ANKRD6: variants seen among roughly 807,000 people sequenced by gnomAD.
ANKRD6 encodes the protein ankyrin repeat domain 6, also known as ankyrin repeat domain-containing protein 6.
Under a neutral mutation model 82.3 loss-of-function variants are expected in ANKRD6, and 56 were observed. The observed-to-expected ratio is 0.68, with a 90% CI of 0.55 to 0.85. The LOEUF (loss-of-function observed/expected upper bound fraction) is 0.85. Ranked by LOEUF, ANKRD6 falls within the 40% of genes least tolerant of loss-of-function variation. ANKRD6 has a pLI of 0.00. For missense variants in ANKRD6, 852 were observed against 907.6 expected (o/e 0.94, Z 0.79); for synonymous variants, 347 against 352.1 (o/e 0.99, Z 0.16).
chr6:89,624,666 A>T lies in ANKRD6; in HGVS notation c.1346A>T (p.Gln449Leu), dbSNP rs1442415178. The T allele has an allele frequency of 2.5e-6, 4 of 1,602,426 alleles. No homozygotes were observed. In the East Asian group the frequency reaches 9.0e-5, roughly 36 times the overall value. The change falls in exon 13 of 16, where the codon CAG becomes CTG. Residue 449 changes from glutamine (Q) to leucine (L), a missense_variant. Coordinates refer to ENST00000339746, the MANE Select transcript of ANKRD6 (RefSeq NM_001242809.2). ...VQDKMNTKLG[Q>L]MENKTQHQMR... is the part of the protein sequence containing the mutation. ...GACAAAATGAATACAAAGCTGGGGCAGATGGAGAATAAGACCCAGCACCAA... is the reference window on the plus strand; with the variant it reads ...GACAAAATGAATACAAAGCTGGGGCTGATGGAGAATAAGACCCAGCACCAA...
At chr6:89,582,281 C>A (rs1792728864) in intron 2 of ANKRD6, among the ~76,000 whole-genome samples, 1 of 152,160 alleles carries the variant, frequency 6.6e-6, no homozygotes, top group South Asian at 2.1e-4. Flanking sequence ...TCTTGAACTC[C>A]TGGCCTCAAG....
intron 1 of ANKRD6, among the ~76,000 whole-genome samples, chr6:89,537,712 A>G (rs996305488): frequency 6.6e-6 from 1 of 151,864 alleles, no homozygotes; most frequent in African/African-American, 2.4e-5. Flanking sequence ...AGCCTGGGTA[A>G]CAAAGCAAGA....
chr6:89,528,900 G>C (rs1178813808), intron 1 of ANKRD6, among the ~76,000 whole-genome samples: 2 of 152,254 alleles, frequency 1.3e-5, no homozygotes, highest in Non-Finnish European at 2.9e-5. Flanking sequence ...TATCTGAGCA[G>C]TAGGTCTCAA....
intron 1 of ANKRD6, among the ~76,000 whole-genome samples, chr6:89,498,535 T>A (rs1040779158): frequency 4.6e-5 from 7 of 151,972 alleles, no homozygotes; most frequent in African/African-American, 1.7e-4. Context: ...TATTTTTTTT[T>A]ACCTTGTTTA....
chr6:89,435,158 A>G (rs1770470343), intron 1 of ANKRD6, among the ~76,000 whole-genome samples: 1 of 152,208 alleles, frequency 6.6e-6, no homozygotes, highest in Non-Finnish European at 1.5e-5. Context: ...CCAACTCCCA[A>G]GGCCTCCTTC....
At chr6:89,627,411 A>G (rs562503903) in intron 13 of ANKRD6, among the ~76,000 whole-genome samples, 172 bp from the exon 14 acceptor site, 1 of 152,352 alleles carries the variant, frequency 6.6e-6, no homozygotes, top group Admixed American at 6.5e-5. Flanking sequence ...AACATGCTCA[A>G]GAATTCTGAA....
At chr6:89,618,060 T>C in intron 9 of ANKRD6, 29 bp downstream of exon 9, 1 of 1,611,576 alleles carries the variant, frequency 6.2e-7, no homozygotes, top group Non-Finnish European at 8.5e-7. Context: ...TCCATGGTAC[T>C]GATTATGCGG....
rs540082416 is a variant in ANKRD6, at chr6:89,572,386, G to A, written c.120+5290G>A. On this transcript the variant is annotated intron_variant, in intron 2 of 15. Coordinates refer to ENST00000339746, the MANE Select transcript of ANKRD6 (RefSeq NM_001242809.2). ...CCATCAGCAATGAATGAGATTTGCT[G>A]TTGCTCCACATTCTCACCAGCATTT... 2.6e-5 allele frequency among the ~76,000 whole-genome samples: 4 copies of A among 152,318 alleles called. No homozygotes were observed. In the Middle Eastern group the frequency reaches 0.01, roughly 389 times the overall value.
intron 1 of ANKRD6, among the ~76,000 whole-genome samples, chr6:89,513,596 A>G (rs181679459): frequency 6.6e-6 from 1 of 152,324 alleles, no homozygotes; most frequent in African/African-American, 2.4e-5. Context: ...ATCACAGTTT[A>G]TCCCTTCTGC....
chr6:89,572,540 A>G (rs990486680), intron 2 of ANKRD6, among the ~76,000 whole-genome samples: 4 of 152,170 alleles, frequency 2.6e-5, no homozygotes, highest in African/African-American at 9.7e-5. Flanking sequence ...TTGATGTCCC[A>G]TTTGTCTATT....
chr6:89,620,233 G>T (rs1479451570), intron 9 of ANKRD6: 1 of 152,198 alleles, frequency 6.6e-6, no homozygotes, highest in South Asian at 2.1e-4. Context: ...ATCCCATTTC[G>T]TAGATGGTCT....
At chr6:89,529,184 TC>T (rs1782855152) in intron 1 of ANKRD6, among the ~76,000 whole-genome samples, 1 of 152,236 alleles carries the variant, frequency 6.6e-6, no homozygotes, top group African/African-American at 2.4e-5. Flanking sequence ...GAAGGCTGAT[TC>T]ATGTACATTG....
In ANKRD6 at chr6:89,622,039, C is replaced by T. The variant is rs1470666499; in HGVS notation, c.897+13C>T. 7 of 1,608,938 alleles carry T rather than the reference C, an allele frequency of 4.4e-6. No homozygotes were observed. The highest frequency in any genetic ancestry group is 4.0e-5 in the African/African-American group (3 of 74,766). On this transcript the variant is annotated intron_variant, in intron 10 of 15. Transcript: ENST00000339746. ...GGCCCAAAGCAAGGTGGGGGGCAGT[C>T]CTCCCGCCGTCCCCACATCCACCCA... is the stretch of plus-strand genomic sequence containing the variant.
At chr6:89,545,227 A>G (rs962653033) in intron 1 of ANKRD6, among the ~76,000 whole-genome samples, 2 of 103,510 alleles carry the variant, frequency 1.9e-5, no homozygotes, top group African/African-American at 2.9e-5. Flanking sequence ...AAAAAAAAAA[A>G]AAAGAAAAGA....
chr6:89,460,581 G>A (rs1322025648), intron 1 of ANKRD6, among the ~76,000 whole-genome samples: 1 of 151,414 alleles, frequency 6.6e-6, no homozygotes, highest in Non-Finnish European at 1.5e-5. Flanking sequence ...GATTACAGAC[G>A]CCTGCCACCA....
At chr6:89,520,495 G>A (rs1226826159) in intron 1 of ANKRD6, among the ~76,000 whole-genome samples, 1 of 152,160 alleles carries the variant, frequency 6.6e-6, no homozygotes, top group Admixed American at 6.5e-5. Flanking sequence ...AGGGGCCTAT[G>A]GTCTTATCAA....
chr6:89,483,999 T>G (rs996612831), intron 1 of ANKRD6, among the ~76,000 whole-genome samples: 17 of 152,138 alleles, frequency 1.1e-4, no homozygotes, highest in African/African-American at 3.9e-4. Context: ...CACTGCAACC[T>G]CTGTCAAGCG....
At chr6:89,565,333 CCT>C (rs1483341737) in intron 1 of ANKRD6, 3 of 152,158 alleles carry the variant, frequency 2.0e-5, no homozygotes, top group South Asian at 2.1e-4. Flanking sequence ...TGCGAGAGTT[CCT>C]CTCTCTTTTT....
Position 89,566,867 on chromosome 6 carries a change from CTGA to C in ANKRD6, c.-105_-103del, listed in dbSNP as rs1788644945. 1.4e-6 allele frequency: 2 copies of C among 1,428,090 alleles called. No homozygotes were observed. Among genetic ancestry groups the C allele is most frequent in the Non-Finnish European group, 1.9e-6 (2 of 1,055,034 alleles). 88.5% of individuals were successfully genotyped at this position (1,428,090 alleles called of 1,614,324 possible). A position where few individuals can be genotyped will look rare whatever the true frequency, so the allele number is the denominator to read the frequency against. On this transcript the variant is annotated 5_prime_UTR_variant, in exon 2 of 16. An upstream start codon of the reference 5' UTR is lost. Coordinates refer to ENST00000339746, the MANE Select transcript of ANKRD6 (RefSeq NM_001242809.2). ...GATGGCATATTCATAAAGACATCTT[CTGA>C]TGATTGTGAACATCTTTACCTCTGG...
Sources: gnomAD v4.1 joint callset for allele counts (sites outside exome capture counted in the v4.1 genomes callset) on GRCh38, gnomAD v4.1.1 for gene constraint, MANE v1.5 for transcripts, NCBI Gene and HGNC (gene_info 2026-07-23, HGNC 2026-07-21) for gene names.